The following ADAMTS3 variants were observed in gnomAD, a reference collection of about 807,000 sequenced individuals.
ADAMTS3 encodes the protein A disintegrin and metalloproteinase with thrombospondin motifs 3.
A neutral mutation model predicts 129.0 loss-of-function variants in ADAMTS3; 73 were observed. That is an observed-to-expected ratio of 0.57 (90% CI 0.47 to 0.69). ADAMTS3 has a LOEUF of 0.69. ADAMTS3 is among the 30% of genes least tolerant of loss of function. The pLI is 0.00. For synonymous variants in ADAMTS3, 477 were observed against 510.8 expected (o/e 0.93, Z 0.89); for missense variants, 1,457 against 1,514.5 (o/e 0.96, Z 0.63).
At chr4:72,318,494 G>T in intron 10 of ADAMTS3, 78 bp downstream of exon 10, 1 of 1,470,512 alleles carries the variant, frequency 6.8e-7, no homozygotes, top group Non-Finnish European at 9.3e-7. Context: ...GCACCAGTGA[G>T]TCTGTAAATC....
chr4:72,491,280 T>C (rs1358393921), intron 3 of ADAMTS3, among the ~76,000 whole-genome samples: 1 of 151,712 alleles, frequency 6.6e-6, no homozygotes, highest in African/African-American at 2.4e-5. Flanking sequence ...AAAGACAATT[T>C]TTCTTCTTTT....
At chr4:72,541,924 G>A (rs952668807) in intron 3 of ADAMTS3, among the ~76,000 whole-genome samples, 1 of 152,048 alleles carries the variant, frequency 6.6e-6, no homozygotes, top group Non-Finnish European at 1.5e-5. Context: ...TATTTACTCT[G>A]TGTATGTATT....
intron 3 of ADAMTS3, among the ~76,000 whole-genome samples, chr4:72,459,876 T>C (rs1173317929): frequency 6.6e-6 from 1 of 151,628 alleles, no homozygotes; most frequent in Non-Finnish European, 1.5e-5. Context: ...ACATTTCATA[T>C]ATATCTTATA....
At chr4:72,359,564 T>C (rs193084014) in intron 4 of ADAMTS3, among the ~76,000 whole-genome samples, 19 of 152,140 alleles carry the variant, frequency 1.2e-4, no homozygotes, top group Admixed American at 1.1e-3. Context: ...AATGGCTAAA[T>C]ATTTCAGTGA....
In ADAMTS3 at chr4:72,340,661, C is replaced by T. The variant is rs192172277; in HGVS notation, c.662-968G>A. ...TGAACATTTCATACACACATACACACACATATACATACAACATACCTATAT... is the reference window on the plus strand; with the variant it reads ...TGAACATTTCATACACACATACACATACATATACATACAACATACCTATAT... On this transcript the variant is annotated intron_variant, in intron 4 of 21. Coordinates refer to ENST00000286657, the MANE Select transcript of ADAMTS3 (RefSeq NM_014243.3). Among the ~76,000 whole-genome samples the T allele has an allele frequency of 5.3e-5, 8 of 152,106 alleles. No homozygotes were observed. In the East Asian group the frequency reaches 1.5e-3, roughly 29 times the overall value.
At chr4:72,498,391 G>A (rs895448040) in intron 3 of ADAMTS3, among the ~76,000 whole-genome samples, 16 of 151,752 alleles carry the variant, frequency 1.1e-4, no homozygotes, top group African/African-American at 3.4e-4. Context: ...ATCTTATATT[G>A]AGAGTAATAG....
intron 3 of ADAMTS3, among the ~76,000 whole-genome samples, chr4:72,502,850 C>T (rs917201195): frequency 2.0e-5 from 3 of 152,074 alleles, no homozygotes; most frequent in African/African-American, 4.8e-5. Context: ...GGTACTCCTC[C>T]TAACGTTATC....
chr4:72,530,396 T>C (rs1408406323), intron 3 of ADAMTS3, among the ~76,000 whole-genome samples: 2 of 84,280 alleles, frequency 2.4e-5, no homozygotes, highest in Non-Finnish European at 4.0e-5. Flanking sequence ...TAAATTAACA[T>C]ATATGAATTT....
At chr4:72,563,994 G>C (rs1006913809) in intron 2 of ADAMTS3, among the ~76,000 whole-genome samples, 3 of 152,058 alleles carry the variant, frequency 2.0e-5, no homozygotes, top group Non-Finnish European at 4.4e-5. Flanking sequence ...ACCTGAAAAT[G>C]GTGAAAAATT....
chr4:72,414,596 C>T (rs938418997), intron 4 of ADAMTS3, among the ~76,000 whole-genome samples: 1 of 151,826 alleles, frequency 6.6e-6, no homozygotes, highest in African/African-American at 2.4e-5. Flanking sequence ...GAAGTCATAT[C>T]AGGGATATAT....
intron 3 of ADAMTS3, among the ~76,000 whole-genome samples, chr4:72,421,628 A>C (rs1020421673): frequency 2.0e-5 from 3 of 152,194 alleles, no homozygotes; most frequent in Non-Finnish European, 2.9e-5. Context: ...AGTCTGTGAG[A>C]AGGAAACTAG....
chr4:72,294,803 AT>A (rs1718764835), intron 19 of ADAMTS3, among the ~76,000 whole-genome samples: 1 of 151,986 alleles, frequency 6.6e-6, no homozygotes, highest in Non-Finnish European at 1.5e-5. Flanking sequence ...ATAGAACAGT[AT>A]TTTTGAGTCT....
intron 3 of ADAMTS3, among the ~76,000 whole-genome samples, chr4:72,446,783 AT>A (rs1718263761): frequency 6.6e-6 from 1 of 151,794 alleles, no homozygotes; most frequent in East Asian, 2.0e-4. Context: ...TCCAGAGAAT[AT>A]ACTCTTTGGA....
At chr4:72,549,950 TAAAAAAAAAA>T (rs34598767) in intron 2 of ADAMTS3, among the ~76,000 whole-genome samples, 1 of 12,646 alleles carries the variant, frequency 7.9e-5, no homozygotes, top group East Asian at 2.1e-3. Flanking sequence ...GCAACAAGGG[TAAAAAAAAAA>T]AAAAGAAGAA....
chr4:72,299,137 T>C lies in ADAMTS3; in HGVS notation c.2425-695A>G, dbSNP rs545186282. On this transcript the variant is annotated intron_variant, in intron 17 of 21. Transcript: ENST00000286657. The stretch of plus-strand genomic sequence containing the variant: ...TACTTTCCTGGCTTTGTTTATTTCA[T>C]GTAACATGCACATTTCTCAAAATAT... Among the ~76,000 whole-genome samples the C allele has an allele frequency of 1.1e-3, 161 of 151,192 alleles. 1 individual carries two copies. The highest frequency in any genetic ancestry group is 3.8e-3 in the African/African-American group (157 of 41,210).
intron 3 of ADAMTS3, among the ~76,000 whole-genome samples, chr4:72,415,359 C>T (rs908290369): frequency 6.6e-6 from 1 of 151,848 alleles, no homozygotes; most frequent in African/African-American, 2.4e-5. Flanking sequence ...CCCAAAATAA[C>T]CCATTGTGGA....
chr4:72,295,604 T>C (rs370018240), intron 19 of ADAMTS3, 50 bp downstream of exon 19: 4 of 1,570,748 alleles, frequency 2.5e-6, no homozygotes, highest in East Asian at 2.3e-5. Context: ...CTAAAGGCAG[T>C]GAAGTCCTGA....
chr4:72,418,105 G>T (rs75518545), intron 3 of ADAMTS3, among the ~76,000 whole-genome samples: 1 of 151,882 alleles, frequency 6.6e-6, no homozygotes, highest in Non-Finnish European at 1.5e-5. Context: ...AAAAGTAATT[G>T]ACAGGGCAGT....
intron 4 of ADAMTS3, among the ~76,000 whole-genome samples, chr4:72,400,378 GTATA>G (rs1430527080): frequency 7.2e-6 from 1 of 138,890 alleles, no homozygotes; most frequent in African/African-American, 2.7e-5. Context: ...CACACGGTGT[GTATA>G]TATACGTGTG....
Sources: allele counts gnomAD v4.1 joint callset (sites outside exome capture counted in the v4.1 genomes callset), GRCh38; gene constraint gnomAD v4.1.1; transcripts MANE v1.5; gene names NCBI Gene and HGNC (gene_info 2026-07-23, HGNC 2026-07-21).